Variants in ESR1 observed in about 807,000 individuals in gnomAD.
ESR1 encodes estrogen receptor 1, also known as estrogen receptor.
ESR1 carries 12 observed loss-of-function variants against 52.7 expected under a neutral mutation model. That is an observed-to-expected ratio of 0.23 (90% CI 0.15 to 0.37). The LOEUF is 0.37. ESR1 is among the 10% of genes least tolerant of loss of function. The probability of loss-of-function intolerance (pLI) is 1.00; values close to 1 mark genes in which losing one functional copy is unlikely to be tolerated. For missense variants in ESR1, 584 were observed against 779.7 expected (o/e 0.75, Z 2.99); for synonymous variants, 305 against 316.8 (o/e 0.96, Z 0.39).
chr6:151,702,404 A>G (rs895800423), intron 2 of ESR1, among the ~76,000 whole-genome samples: 2 of 152,160 alleles, frequency 1.3e-5, no homozygotes, highest in African/African-American at 2.4e-5. Context: ...CATAGTTTCC[A>G]GCAAGTGAAA....
chr6:151,892,642 A>G (rs999924924), intron 3 of ESR1, among the ~76,000 whole-genome samples: 2 of 150,104 alleles, frequency 1.3e-5, no homozygotes, highest in Non-Finnish European at 2.9e-5. Context: ...CTAAGACTGG[A>G]ATCCCAAGAG....
At chr6:151,849,660 T>A (rs868674769) in intron 2 of ESR1, among the ~76,000 whole-genome samples, 4 of 150,396 alleles carry the variant, frequency 2.7e-5, no homozygotes, top group Non-Finnish European at 3.0e-5. Flanking sequence ...AAAAAAATAA[T>A]AATGATAGAT....
At chr6:151,814,862 C>A (rs1779369515) in intron 1 of ESR1, among the ~76,000 whole-genome samples, 1 of 152,134 alleles carries the variant, frequency 6.6e-6, no homozygotes, top group South Asian at 2.1e-4. Flanking sequence ...GATTCTAATA[C>A]CAGAATCTCC....
chr6:151,687,237 G>A (rs1582892388), upstream of ESR1, among the ~76,000 whole-genome samples: 1 of 152,292 alleles, frequency 6.6e-6, no homozygotes, highest in South Asian at 2.1e-4. Flanking sequence ...CGTAGGGTGG[G>A]GAGGTTGTAT....
intron 2 of ESR1, among the ~76,000 whole-genome samples, chr6:151,718,971 A>G (rs1781255060): frequency 6.6e-6 from 1 of 152,214 alleles, no homozygotes; most frequent in Non-Finnish European, 1.5e-5. Context: ...GGAAAGAAGA[A>G]AAGCACCCCT....
chr6:151,771,496 T>TAC (rs2128108380), intron 2 of ESR1, among the ~76,000 whole-genome samples: 1 of 152,348 alleles, frequency 6.6e-6, no homozygotes, highest in Non-Finnish European at 1.5e-5. Context: ...TTCATGTAGT[T>TAC]ACACCTTTTG....
chr6:151,848,501 AAAAG>A (rs1245396469), intron 2 of ESR1, among the ~76,000 whole-genome samples: 1 of 151,458 alleles, frequency 6.6e-6, no homozygotes, highest in East Asian at 1.9e-4. Flanking sequence ...TTTAAAAAAA[AAAAG>A]AGATCTTAGT....
intron 3 of ESR1, among the ~76,000 whole-genome samples, chr6:151,902,666 T>C (rs1796865172): frequency 6.6e-6 from 1 of 152,218 alleles, no homozygotes; most frequent in Non-Finnish European, 1.5e-5. Context: ...GACCTTTGTC[T>C]CTTTGTTTGT....
chr6:151,829,478 A>G (rs1437483875), intron 1 of ESR1, among the ~76,000 whole-genome samples: 1 of 152,180 alleles, frequency 6.6e-6, no homozygotes, highest in East Asian at 1.9e-4. Context: ...GCTATCACTG[A>G]CAGCTTCCTC....
At chr6:151,709,889 T>C (rs951536852) in intron 2 of ESR1, among the ~76,000 whole-genome samples, 47 of 151,932 alleles carry the variant, frequency 3.1e-4, no homozygotes, top group South Asian at 1.2e-3. Context: ...TTTCCTATCT[T>C]ACTTCAAAGA....
chr6:152,036,253 G>T (rs2045295051), intron 5 of ESR1, among the ~76,000 whole-genome samples: 1 of 152,134 alleles, frequency 6.6e-6, no homozygotes, highest in African/African-American at 2.4e-5. Flanking sequence ...CCAGCTACTT[G>T]GGAGGCTGAG....
At chr6:151,819,142 G>A (rs567251939) in intron 1 of ESR1, among the ~76,000 whole-genome samples, 3 of 152,232 alleles carry the variant, frequency 2.0e-5, no homozygotes, top group African/African-American at 7.2e-5. Context: ...AGAAGTCAAG[G>A]TTCAGCTCAA....
intron 1 of ESR1, among the ~76,000 whole-genome samples, chr6:151,822,964 T>C (rs1297661396): frequency 6.6e-6 from 1 of 152,192 alleles, no homozygotes; most frequent in Non-Finnish European, 1.5e-5. Context: ...AGATCTGTAA[T>C]TGTGGCCAGA....
chr6:152,019,178 C>G (rs886630382), intron 5 of ESR1, among the ~76,000 whole-genome samples: 1 of 152,258 alleles, frequency 6.6e-6, no homozygotes, highest in African/African-American at 2.4e-5. Context: ...GAAGATAAAT[C>G]AAAATATCCA....
intron 2 of ESR1, among the ~76,000 whole-genome samples, chr6:151,877,538 G>A (rs1239092000): frequency 6.6e-6 from 1 of 152,114 alleles, no homozygotes; most frequent in Non-Finnish European, 1.5e-5. Flanking sequence ...GTTAAGAGAC[G>A]AATTCAATTG....
chr6:151,905,371 A>G (rs539620777), intron 3 of ESR1, among the ~76,000 whole-genome samples: 1 of 152,372 alleles, frequency 6.6e-6, no homozygotes, highest in Admixed American at 6.5e-5. Context: ...AACACACCAG[A>G]AGAGGATACA....
intron 3 of ESR1, among the ~76,000 whole-genome samples, chr6:151,918,198 C>T (rs2030774209): frequency 6.6e-6 from 1 of 152,160 alleles, no homozygotes; most frequent in African/African-American, 2.4e-5. Context: ...TCCCTCATTG[C>T]TGAGTTTGCC....
At chr6:152,096,669 G>A (rs1036594196) in intron 7 of ESR1, 9 of 455,892 alleles carry the variant, frequency 2.0e-5, no homozygotes, top group Admixed American at 1.2e-4. Context: ...GTTCCCCAAG[G>A]ATTCCTGTGT....
rs775163367 is a variant in ESR1 at position 152,094,439 on chromosome 6, T to C, written c.1424T>C (p.Ile475Thr). The change falls in exon 7 of 8, where the codon ATC becomes ACC. Residue 475 changes from isoleucine (I) to threonine (T), a missense_variant. Coordinates refer to ENST00000206249, the MANE Select transcript of ESR1 (RefSeq NM_000125.4). This position sits in a 1 kb window ranked among gnomAD's most constrained non-coding sequence, Gnocchi z 4.6. Reference sequence around the variant, plus strand: ...AAGTCTCTGGAAGAGAAGGACCATATCCACCGAGTCCTGGACAAGATCACA... The same window carrying C: ...AAGTCTCTGGAAGAGAAGGACCATACCCACCGAGTCCTGGACAAGATCACA... ...TLKSLEEKDH[I>T]HRVLDKITDT... is the part of the protein sequence containing the mutation. The C allele has an allele frequency of 3.1e-6, 5 of 1,613,992 alleles. No individual in the cohort carries two copies. Among genetic ancestry groups the C allele is most frequent in the Non-Finnish European group, 3.4e-6 (4 of 1,179,992 alleles).
Sources: gnomAD v4.1 joint callset for allele counts (sites outside exome capture counted in the v4.1 genomes callset) on GRCh38, gnomAD v4.1.1 for gene constraint, Gnocchi (gnomAD v3.1) non-coding constraint, MANE v1.5 for transcripts, NCBI Gene and HGNC (gene_info 2026-07-23, HGNC 2026-07-21) for gene names.